Variants in GABRA4 observed in about 807,000 individuals in gnomAD.
The protein encoded by GABRA4 is gamma-aminobutyric acid type A receptor subunit alpha4.
GABRA4 carries 12 observed loss-of-function variants against 49.7 expected under a neutral mutation model. The ratio of observed to expected loss-of-function variants is 0.24; its 90% confidence interval spans 0.15 to 0.39. The LOEUF (loss-of-function observed/expected upper bound fraction) is 0.39. Among genes scored for constraint, GABRA4 ranks in the 10% least tolerant of loss-of-function variants. GABRA4 has a pLI of 1.00. For missense variants in GABRA4, 506 were observed against 686.0 expected (o/e 0.74, Z 2.93); for synonymous variants, 288 against 240.2 (o/e 1.20, Z -1.84).
At position 46,992,616 on chromosome 4, in the gene GABRA4, G is replaced by A. The variant is rs1723797966; in HGVS notation, c.205+212C>T. On this transcript the variant is annotated intron_variant, in intron 2 of 8. Coordinates refer to ENST00000264318, the MANE Select transcript of GABRA4 (RefSeq NM_000809.4). ...CCCGGGAGGTAATTAGTGTGGGGGA[G>A]AGGCAAAGCTTCTGAGGGGGCAGGG... 3 of 572,388 alleles carry A rather than the reference G, an allele frequency of 5.2e-6. No individual in the cohort carries two copies. The East Asian group carries it at 8.5e-5, about 16-fold the overall frequency. 35.5% of individuals were successfully genotyped at this position (572,388 alleles called of 1,614,324 possible).
chr4:46,961,574 G>T (rs1397669733), intron 8 of GABRA4, among the ~76,000 whole-genome samples: 1 of 151,878 alleles, frequency 6.6e-6, no homozygotes, highest in Non-Finnish European at 1.5e-5. Flanking sequence ...TGGCACAAAT[G>T]TATATTTGTT....
chr4:46,951,752 G>A (rs868566065), intron 8 of GABRA4, among the ~76,000 whole-genome samples: 3 of 150,682 alleles, frequency 2.0e-5, no homozygotes, highest in East Asian at 2.0e-4. Flanking sequence ...GTGTGTGTGT[G>A]TATATGTATG....
intron 8 of GABRA4, among the ~76,000 whole-genome samples, chr4:46,930,006 A>G (rs1721375025): frequency 6.6e-6 from 1 of 152,118 alleles, no homozygotes. Flanking sequence ...CTACAAATGT[A>G]TTCTTTTTTA....
At chr4:46,963,005 A>G (rs1414651579) in intron 8 of GABRA4, among the ~76,000 whole-genome samples, 3 of 151,884 alleles carry the variant, frequency 2.0e-5, no homozygotes, top group Admixed American at 1.3e-4. Context: ...ACAAGAAAAC[A>G]TTGAGGGAAA....
At position 46,992,970 on chromosome 4, in the gene GABRA4, G is replaced by A. The variant is rs145913970; in HGVS notation, c.87-24C>T. 7 of 1,309,660 alleles carry A rather than the reference G, an allele frequency of 5.3e-6. No homozygotes were observed. In the South Asian group the frequency reaches 7.0e-5, roughly 13 times the overall value. The allele number at this position is 1,309,660 out of a possible 1,614,324, so 81.1% of individuals were successfully genotyped here. A position where few individuals can be genotyped will look rare whatever the true frequency, so the allele number is the denominator to read the frequency against. On this transcript the variant is annotated intron_variant, in intron 1 of 8. Transcript: ENST00000264318. ...AACTGCAAGCGAAAAAAAAAAAACC[G>A]GGGGCGGAGGAGATTATTTTAAGAA... is the stretch of plus-strand genomic sequence containing the variant.
intron 8 of GABRA4, among the ~76,000 whole-genome samples, chr4:46,950,601 A>C (rs919357165): frequency 1.3e-5 from 2 of 151,782 alleles, no homozygotes; most frequent in Non-Finnish European, 2.9e-5. Context: ...TCTCAAAACA[A>C]ATCTCAGGCT....
chr4:46,982,892 AC>A (rs1723406651), intron 2 of GABRA4, among the ~76,000 whole-genome samples: 1 of 152,062 alleles, frequency 6.6e-6, no homozygotes, highest in Non-Finnish European at 1.5e-5. Flanking sequence ...GGGGATGAAG[AC>A]TGGACAGATT....
chr4:46,964,645 C>G (rs562993605), intron 8 of GABRA4, among the ~76,000 whole-genome samples: 19 of 151,140 alleles, frequency 1.3e-4, no homozygotes, highest in Non-Finnish European at 2.4e-4. Flanking sequence ...AATGTTTTTT[C>G]AACTCACTTA....
chr4:46,965,131 C>A lies in GABRA4; in HGVS notation c.973G>T (p.Val325Phe), dbSNP rs746717514. 6.2e-7 allele frequency: 1 copy of A among 1,611,982 alleles called. No individual in the cohort carries two copies. Among genetic ancestry groups the A allele is most frequent in the Non-Finnish European group, 8.5e-7 (1 of 1,178,822 alleles). Residue 325 changes from valine (V) to phenylalanine (F), a missense_variant, in exon 8 of 9, where the codon GTC becomes TTC. By Grantham distance (50) the Val-to-Phe change is conservative. Transcript: ENST00000264318. ...YATAMDWFIA[V>F]CFAFVFSALI... ...GCCGAAAATACAAAAGCAAAGCAGA[C>A]AGCTATGAACCAGTCCATGGCGGTA... is the stretch of plus-strand genomic sequence containing the variant.
Position 46,926,029 on chromosome 4 carries a change from T to G in GABRA4, c.*2196A>C, listed in dbSNP as rs1324541607. The G allele has an allele frequency of 6.6e-6, 1 of 151,614 alleles. No individual in the cohort carries two copies. The highest frequency in any genetic ancestry group is 1.5e-5 in the Non-Finnish European group (1 of 67,788). The allele number at this position is 151,614 out of a possible 1,614,324, so 9.4% of individuals were successfully genotyped here. ...AATGAATAACCAAATAATTATTTCT[T>G]AAGATAGGCCAATAGATTAGCAAAG... is the stretch of plus-strand genomic sequence containing the variant. On this transcript the variant is annotated 3_prime_UTR_variant, in exon 9 of 9. Transcript: ENST00000264318.
chr4:46,989,950 T>G (rs992100963), intron 2 of GABRA4, among the ~76,000 whole-genome samples: 1 of 152,244 alleles, frequency 6.6e-6, no homozygotes, highest in Non-Finnish European at 1.5e-5. Context: ...AGTTTCTCAT[T>G]GTTTTCAGTG....
intron 8 of GABRA4, among the ~76,000 whole-genome samples, chr4:46,948,091 T>A (rs1283307838): frequency 1.3e-5 from 2 of 152,158 alleles, no homozygotes; most frequent in Admixed American, 6.6e-5. Context: ...CTTTTTATTT[T>A]ACTTTATCAA....
At chr4:46,962,821 A>G (rs567000206) in intron 8 of GABRA4, among the ~76,000 whole-genome samples, 35 of 151,768 alleles carry the variant, frequency 2.3e-4, no homozygotes, top group Non-Finnish European at 4.0e-4. Flanking sequence ...AAGCAAACCC[A>G]TTTTCAACAC....
At chr4:46,968,890 C>T (rs1208190857) in intron 7 of GABRA4, among the ~76,000 whole-genome samples, 2 of 151,606 alleles carry the variant, frequency 1.3e-5, no homozygotes, top group African/African-American at 4.8e-5. Context: ...ATATGGCAGA[C>T]AGTCACATTA....
At chr4:46,956,676 T>C (rs1512132) in intron 8 of GABRA4, among the ~76,000 whole-genome samples, 79,103 of 151,712 alleles carry the variant, frequency 0.52, 20,941 homozygotes, top group East Asian at 0.7. Flanking sequence ...GTCACAGAAA[T>C]CCTGCTGCGG....
rs1316578833 is a variant in GABRA4, at chr4:46,947,687, G to A, written c.1134+17283C>T. On this transcript the variant is annotated intron_variant, in intron 8 of 8. Transcript: ENST00000264318. Reference sequence around the variant, plus strand: ...AGATGAACAAACAGAATAAGAAAAAGTCAAGATCTTGGCTGACATCATCCC... The same window carrying A: ...AGATGAACAAACAGAATAAGAAAAAATCAAGATCTTGGCTGACATCATCCC... Among the ~76,000 whole-genome samples, 80 of 152,002 alleles carry A rather than the reference G, an allele frequency of 5.3e-4. 2 individuals carry two copies. The highest frequency in any genetic ancestry group is 5.3e-3 in the Admixed American group (80 of 15,226).
intron 8 of GABRA4, among the ~76,000 whole-genome samples, chr4:46,949,938 A>G (rs1023417647): frequency 6.6e-6 from 1 of 152,134 alleles, no homozygotes; most frequent in Non-Finnish European, 1.5e-5. Context: ...GGATGCTAAA[A>G]TAACTTTCTG....
At chr4:46,973,850 G>T (rs1158478846) in intron 6 of GABRA4, among the ~76,000 whole-genome samples, 4 of 151,608 alleles carry the variant, frequency 2.6e-5, no homozygotes, top group East Asian at 1.9e-4. Context: ...ACAAAATTGG[G>T]CAAGATAAAG....
chr4:46,985,721 C>G (rs1442200469), intron 2 of GABRA4, among the ~76,000 whole-genome samples: 1 of 151,924 alleles, frequency 6.6e-6, no homozygotes, highest in Admixed American at 6.6e-5. Flanking sequence ...ACACCAAATG[C>G]AATGGATACA....
Sources: gnomAD v4.1 joint callset for allele counts (sites outside exome capture counted in the v4.1 genomes callset) on GRCh38, gnomAD v4.1.1 for gene constraint, MANE v1.5 for transcripts, NCBI Gene and HGNC (gene_info 2026-07-23, HGNC 2026-07-21) for gene names.